The following C3orf49 variants were observed in gnomAD, a reference collection of about 807,000 sequenced individuals.
The protein encoded by C3orf49 is putative uncharacterized protein C3orf49.
Under a neutral mutation model 13.3 loss-of-function variants are expected in C3orf49, and 27 were observed. That is an observed-to-expected ratio of 2.02 (90% CI 1.49 to 2.79). The LOEUF (loss-of-function observed/expected upper bound fraction) is 2.79. Among genes scored for constraint, C3orf49 ranks in the 30% most tolerant of loss-of-function variants. C3orf49 has a pLI of 0.00. For synonymous variants in C3orf49, 87 were observed against 47.6 expected, an observed-to-expected ratio of 1.83 and a Z score of -3.40; for missense variants, 242 against 134.2, an observed-to-expected ratio of 1.80 and a Z score of -3.97.
chr3:63,818,711 A>G (rs960734151), upstream of C3orf49, among the ~76,000 whole-genome samples: 2 of 152,200 alleles, frequency 1.3e-5, no homozygotes, highest in African/African-American at 4.8e-5. Context: ...AACAGGAATA[A>G]ATCCTAGTGT....
At chr3:63,837,270 T>A (rs1406968456) in intron 5 of C3orf49, among the ~76,000 whole-genome samples, 1 of 151,922 alleles carries the variant, frequency 6.6e-6, no homozygotes, top group African/African-American at 2.4e-5. Flanking sequence ...AACTTCAAAA[T>A]AACCATTAAC....
the C3orf49 span, among the ~76,000 whole-genome samples, chr3:63,790,281 T>A: frequency 7.2e-5 from 11 of 152,198 alleles, no homozygotes; most frequent in African/African-American, 2.7e-4. Context: ...CCAAGACATC[T>A]GAAAACAAAT....
At chr3:63,817,941 C>T (rs987897523), upstream of C3orf49, among the ~76,000 whole-genome samples, 1 of 152,074 alleles carries the variant, frequency 6.6e-6, no homozygotes, top group African/African-American at 2.4e-5. Context: ...AAAAATATTG[C>T]CCTGTTGCTA....
At chr3:63,802,689 C>A in the C3orf49 span, among the ~76,000 whole-genome samples, 4 of 152,120 alleles carry the variant, frequency 2.6e-5, no homozygotes, top group African/African-American at 9.7e-5. Flanking sequence ...AGCAGTAAGA[C>A]AGCACTTTCC....
chr3:63,819,945 C>T (rs949639605), intron 1 of C3orf49, among the ~76,000 whole-genome samples: 7 of 152,142 alleles, frequency 4.6e-5, no homozygotes, highest in Non-Finnish European at 1.0e-4. Flanking sequence ...GTGCATTCTT[C>T]GAAATAGGTC....
chr3:63,816,769 C>CTTTTTTTTTTTTT (rs543894356), upstream of C3orf49, among the ~76,000 whole-genome samples: 16 of 97,202 alleles, frequency 1.6e-4, no homozygotes, highest in African/African-American at 4.6e-4. Flanking sequence ...CTTTTCTTTT[C>CTTTTTTTTTTTTT]TTTTTTTTTT....
At chr3:63,809,397 C>T in the C3orf49 span, among the ~76,000 whole-genome samples, 1 of 152,126 alleles carries the variant, frequency 6.6e-6, no homozygotes, top group African/African-American at 2.4e-5. Flanking sequence ...TCTGTTGCAG[C>T]ATGAAAAGAA....
At chr3:63,783,612 G>C in the C3orf49 span, among the ~76,000 whole-genome samples, 1 of 151,460 alleles carries the variant, frequency 6.6e-6, no homozygotes, top group East Asian at 1.9e-4. Flanking sequence ...CAGCTACTTG[G>C]GAGGCTGAGG....
chr3:63,813,053 C>A, the C3orf49 span, among the ~76,000 whole-genome samples: 2 of 152,154 alleles, frequency 1.3e-5, no homozygotes, highest in African/African-American at 4.8e-5. Context: ...CACAGAACTC[C>A]ACAGTACACC....
At chr3:63,839,171 C>A (rs936075086) in intron 5 of C3orf49, among the ~76,000 whole-genome samples, 2 of 152,026 alleles carry the variant, frequency 1.3e-5, no homozygotes, top group African/African-American at 4.8e-5. Flanking sequence ...GCCTGAACAA[C>A]AGAATGAGAC....
chr3:63,806,649 C>T, the C3orf49 span, among the ~76,000 whole-genome samples: 1 of 152,162 alleles, frequency 6.6e-6, no homozygotes. Flanking sequence ...GCAATTATCC[C>T]GAACTTCTTT....
intron 5 of C3orf49, chr3:63,832,065 G>A (rs1701540569): frequency 4.6e-6 from 2 of 434,292 alleles, no homozygotes; most frequent in South Asian, 3.4e-5. Context: ...GTGGTGGCGG[G>A]CGCCTCTAAT....
intron 2 of C3orf49, chr3:63,826,787 C>T (rs923965873): frequency 9.2e-5 from 14 of 152,120 alleles, no homozygotes; most frequent in African/African-American, 3.4e-4. Flanking sequence ...GAAAATGTCT[C>T]ATTTAGTGAC....
At chr3:63,783,704 C>T in the C3orf49 span, among the ~76,000 whole-genome samples, 22 of 150,320 alleles carry the variant, frequency 1.5e-4, no homozygotes, top group Admixed American at 2.0e-4. Flanking sequence ...GGCAACACAG[C>T]GAGACTCCAT....
the C3orf49 span, among the ~76,000 whole-genome samples, chr3:63,798,543 A>G: frequency 6.6e-6 from 1 of 152,172 alleles, no homozygotes; most frequent in Admixed American, 6.6e-5. Flanking sequence ...AACACTTAAT[A>G]GTTATTAATA....
chr3:63,826,571 C>A (rs547084784), intron 2 of C3orf49, among the ~76,000 whole-genome samples: 2 of 152,224 alleles, frequency 1.3e-5, no homozygotes, highest in Admixed American at 1.3e-4. Flanking sequence ...GACTTGCTGA[C>A]ATAAGGTCCC....
chr3:63,830,329 G>C (rs1379889010), intron 3 of C3orf49, among the ~76,000 whole-genome samples: 1 of 152,216 alleles, frequency 6.6e-6, no homozygotes, highest in South Asian at 2.1e-4. Flanking sequence ...ACTTTAGATA[G>C]ATCAGGGAAG....
chr3:63,813,534 C>T, the C3orf49 span, among the ~76,000 whole-genome samples: 1 of 152,052 alleles, frequency 6.6e-6, no homozygotes, highest in Non-Finnish European at 1.5e-5. Flanking sequence ...TAACCTGGGG[C>T]AGCAATCAAC....
the C3orf49 span, among the ~76,000 whole-genome samples, chr3:63,783,564 A>ACG: frequency 6.7e-6 from 1 of 149,854 alleles, no homozygotes; most frequent in Admixed American, 6.6e-5. Flanking sequence ...ACACACACAC[A>ACG]CAAATTAGCC....
Sources: gnomAD v4.1 joint callset for allele counts (sites outside exome capture counted in the v4.1 genomes callset) on GRCh38, gnomAD v4.1.1 for gene constraint, MANE v1.5 for transcripts, NCBI Gene and HGNC (gene_info 2026-07-23, HGNC 2026-07-21) for gene names.